Variants in LRPPRC observed in about 807,000 individuals in gnomAD.
LRPPRC encodes the protein leucine rich pentatricopeptide repeat containing.
In LRPPRC, 120 loss-of-function variants were observed where a neutral mutation model predicts 180.3. The ratio of observed to expected loss-of-function variants is 0.67; its 90% confidence interval spans 0.57 to 0.77. LRPPRC has a LOEUF of 0.77. Ranked by LOEUF, LRPPRC falls within the 30% of genes least tolerant of loss-of-function variation. The pLI is 0.00. For synonymous variants in LRPPRC, 723 were observed against 600.0 expected, an observed-to-expected ratio of 1.21 and a Z score of -3.00; for missense variants, 2,012 against 1,657.2, an observed-to-expected ratio of 1.21 and a Z score of -3.72.
chr2:43,944,149 T>C (rs1672593945), intron 22 of LRPPRC, among the ~76,000 whole-genome samples: 1 of 152,078 alleles, frequency 6.6e-6, no homozygotes, highest in Admixed American at 6.6e-5. Context: ...CATAACCCTG[T>C]ATGGTCTGCC....
intron 23 of LRPPRC, among the ~76,000 whole-genome samples, chr2:43,941,124 A>T (rs1572946473): frequency 6.6e-6 from 1 of 152,306 alleles, no homozygotes; most frequent in South Asian, 2.1e-4. Context: ...GCAAATGAAT[A>T]AAAACAGTGT....
At chr2:43,965,022 G>C (rs955159581) in intron 11 of LRPPRC, among the ~76,000 whole-genome samples, 1 of 152,124 alleles carries the variant, frequency 6.6e-6, no homozygotes, top group Non-Finnish European at 1.5e-5. Context: ...CTTTTTTTGA[G>C]ACTGAATATT....
In LRPPRC at chr2:43,945,431, C is replaced by T. The variant is rs375399789; in HGVS notation, c.2211-14G>A. On this transcript the variant is annotated splice_polypyrimidine_tract_variant and intron_variant, in intron 21 of 37. Transcript: ENST00000260665. ...TCTAAGCGGTCACTAAAAATTAAAGCCACATTTATATTGTTTTAAAAGTCA... is the reference window on the plus strand; with the variant it reads ...TCTAAGCGGTCACTAAAAATTAAAGTCACATTTATATTGTTTTAAAAGTCA... The T allele has an allele frequency of 8.2e-5, 123 of 1,504,246 alleles. No individual in the cohort carries two copies. In the African/African-American group the frequency reaches 1.6e-3, roughly 19 times the overall value. 93.2% of individuals were successfully genotyped at this position (1,504,246 alleles called of 1,614,324 possible).
rs763181065 is a variant in LRPPRC, at chr2:43,995,968, G to C, written c.-21C>G. ...GCCATTGCTCGAACGTCCCCGCAGC[G>C]GGAAGCACGCTCCGCCAGAAGGACA... is the stretch of plus-strand genomic sequence containing the variant. On this transcript the variant is annotated 5_prime_UTR_variant, in exon 1 of 38. Coordinates refer to ENST00000260665, the MANE Select transcript of LRPPRC (RefSeq NM_133259.4). The C allele has an allele frequency of 2.0e-6, 3 of 1,523,752 alleles. No homozygotes were observed. The highest frequency in any genetic ancestry group is 8.8e-7 in the Non-Finnish European group (1 of 1,142,170). 94.4% of individuals were successfully genotyped at this position (1,523,752 alleles called of 1,614,324 possible). A position where few individuals can be genotyped will look rare whatever the true frequency, so the allele number is the denominator to read the frequency against.
At chr2:43,913,863 T>G (rs564370007) in intron 29 of LRPPRC, among the ~76,000 whole-genome samples, 2 of 152,332 alleles carry the variant, frequency 1.3e-5, no homozygotes, top group South Asian at 2.1e-4. Flanking sequence ...CACTATCATT[T>G]ACTGATTATT....
chr2:43,952,659 T>C (rs1157169822), intron 14 of LRPPRC, among the ~76,000 whole-genome samples: 1 of 152,178 alleles, frequency 6.6e-6, no homozygotes, highest in Non-Finnish European at 1.5e-5. Context: ...TTGTACTAGG[T>C]TCTAAGTGCA....
In LRPPRC at chr2:43,975,170, C is replaced by T. The variant is rs902165955; in HGVS notation, c.785G>A (p.Gly262Glu). The T allele has an allele frequency of 5.6e-6, 9 of 1,613,344 alleles. No individual in the cohort carries two copies. Among genetic ancestry groups the T allele is most frequent in the Non-Finnish European group, 6.8e-6 (8 of 1,179,650 alleles). The change falls in exon 7 of 38, where the codon GGA becomes GAA. Residue 262 changes from glycine (G) to glutamate (E), a missense_variant. Coordinates refer to ENST00000260665, the MANE Select transcript of LRPPRC (RefSeq NM_133259.4). ...ENILTVMRDA[G>E]IEPGPDTYLA... ...GTATGTGTCTGGACCAGGCTCAATT[C>T]CGGCATCTCTCATCACTGTGAGAAT...
At chr2:43,904,937 T>G (rs989875443) in intron 31 of LRPPRC, among the ~76,000 whole-genome samples, 1 of 152,118 alleles carries the variant, frequency 6.6e-6, no homozygotes, top group Non-Finnish European at 1.5e-5. Flanking sequence ...TTAGCTAAAT[T>G]TAAGAGATTC....
At chr2:43,948,814 T>C (rs949572278) in intron 16 of LRPPRC, among the ~76,000 whole-genome samples, 13 of 152,170 alleles carry the variant, frequency 8.5e-5, no homozygotes, top group African/African-American at 2.9e-4. Context: ...GCCCAAGGCC[T>C]TACCCCTTTC....
chr2:43,902,348 C>T (rs1399555968), intron 31 of LRPPRC: 1 of 152,104 alleles, frequency 6.6e-6, no homozygotes, highest in East Asian at 1.9e-4. Context: ...AAGTGGTAGA[C>T]TGAGGAGTAG....
At chr2:43,983,076 AAAC>A (rs1170201630) in intron 1 of LRPPRC, among the ~76,000 whole-genome samples, 1 of 152,168 alleles carries the variant, frequency 6.6e-6, no homozygotes, top group Admixed American at 6.5e-5. Flanking sequence ...TAATTATTTA[AAAC>A]AACTGCCACC....
intron 30 of LRPPRC, among the ~76,000 whole-genome samples, chr2:43,911,861 A>C (rs2105012131): frequency 6.6e-6 from 1 of 152,204 alleles, no homozygotes; most frequent in East Asian, 1.9e-4. Context: ...ACAACACGAA[A>C]GGAGGGGGAA....
chr2:43,990,897 G>C (rs908515986), intron 1 of LRPPRC, among the ~76,000 whole-genome samples: 4 of 150,358 alleles, frequency 2.7e-5, no homozygotes, highest in African/African-American at 9.8e-5. Flanking sequence ...CCAGGCTGGA[G>C]TGCAATGGCG....
At chr2:43,917,780 C>T (rs1039393858) in intron 29 of LRPPRC, among the ~76,000 whole-genome samples, 1 of 151,814 alleles carries the variant, frequency 6.6e-6, no homozygotes, top group African/African-American at 2.4e-5. Context: ...CAGAGTGAGA[C>T]TTCATCTCAA....
At chr2:43,915,181 C>T (rs1671404414) in intron 29 of LRPPRC, among the ~76,000 whole-genome samples, 1 of 142,296 alleles carries the variant, frequency 7.0e-6, no homozygotes, top group African/African-American at 2.5e-5. Context: ...GCACTCCGGC[C>T]TGGGCAACAG....
At chr2:43,979,978 T>C (rs1351731434) in intron 2 of LRPPRC, 30 bp from the exon 3 acceptor site, 3 of 1,607,412 alleles carry the variant, frequency 1.9e-6, no homozygotes, top group South Asian at 2.2e-5. Flanking sequence ...GGATAACATT[T>C]AACATAGCAG....
intron 31 of LRPPRC, 45 bp from the exon 32 acceptor site, chr2:43,901,569 C>T: frequency 7.8e-7 from 1 of 1,274,890 alleles, no homozygotes; most frequent in Non-Finnish European, 1.1e-6. Context: ...ATGACCTGTG[C>T]TGACTTTAAT....
At chr2:43,909,119 ATAGT>A (rs1360463550) in intron 30 of LRPPRC, among the ~76,000 whole-genome samples, 4 of 152,236 alleles carry the variant, frequency 2.6e-5, no homozygotes, top group African/African-American at 9.6e-5. Flanking sequence ...CTCAAGTAAC[ATAGT>A]TAGTTGGATA....
chr2:43,894,567 G>T lies in LRPPRC; in HGVS notation c.3963C>A (p.Tyr1321Ter), dbSNP rs863224052. ...IPELNEKEEA[Y>*]NSLMKSYVSE... ...TACCATAGCTTTTCATGAGGGAATT[G>T]TATGCTTCTTCCTTTTCATTTAATT... Residue 1321 changes from tyrosine (Y) to a stop codon, truncating the protein, a stop_gained, in exon 36 of 38, where the codon TAC (tyrosine) becomes TAA (stop). Transcript: ENST00000260665. LOFTEE classifies it high-confidence loss of function. The T allele has an allele frequency of 6.5e-7, 1 of 1,547,816 alleles. No homozygotes were observed. The highest frequency in any genetic ancestry group is 8.9e-7 in the Non-Finnish European group (1 of 1,120,004).
Sources: allele counts gnomAD v4.1 joint callset (sites outside exome capture counted in the v4.1 genomes callset), GRCh38; gene constraint gnomAD v4.1.1; transcripts MANE v1.5; gene names NCBI Gene and HGNC (gene_info 2026-07-23, HGNC 2026-07-21).